The following PICALM variants were observed in gnomAD, a reference collection of about 807,000 sequenced individuals.
PICALM encodes phosphatidylinositol binding clathrin assembly protein.
Under a neutral mutation model 80.5 loss-of-function variants are expected in PICALM, and 40 were observed. The ratio of observed to expected loss-of-function variants is 0.50; its 90% CI spans 0.39 to 0.65. The LOEUF is 0.65. Among genes scored for constraint, PICALM ranks in the 30% least tolerant of loss-of-function variants. PICALM has a pLI of 0.00. For synonymous variants in PICALM, 288 were observed against 260.3 expected (o/e 1.11, Z -1.02); for missense variants, 676 against 778.9 (o/e 0.87, Z 1.57).
At chr11:86,039,191 T>C (rs1278822486) in intron 1 of PICALM, among the ~76,000 whole-genome samples, 1 of 152,040 alleles carries the variant, frequency 6.6e-6, no homozygotes, top group African/African-American at 2.4e-5. Context: ...ACTGTGTTCT[T>C]AGCAACATGA....
chr11:85,994,912 G>A (rs896445331), intron 12 of PICALM, among the ~76,000 whole-genome samples: 2 of 152,136 alleles, frequency 1.3e-5, no homozygotes, highest in African/African-American at 2.4e-5. Flanking sequence ...CCATGTTGGC[G>A]AGGCTGTTCT....
intron 19 of PICALM, among the ~76,000 whole-genome samples, chr11:85,972,374 G>C (rs138266485): frequency 4.6e-5 from 7 of 152,160 alleles, no homozygotes; most frequent in African/African-American, 1.4e-4. Context: ...TGGTATAAAT[G>C]AGCACTGGAC....
intron 12 of PICALM, among the ~76,000 whole-genome samples, chr11:85,995,926 T>G (rs2094945291): frequency 6.6e-6 from 1 of 152,184 alleles, no homozygotes; most frequent in Non-Finnish European, 1.5e-5. Context: ...TAAACTAGCC[T>G]TCAAAGTCAA....
intron 12 of PICALM, among the ~76,000 whole-genome samples, chr11:85,993,266 T>C (rs2094850515): frequency 6.6e-6 from 1 of 152,010 alleles, no homozygotes. Flanking sequence ...TCCGATTTTT[T>C]TGTAGAGGCA....
intron 1 of PICALM, among the ~76,000 whole-genome samples, chr11:86,054,122 A>G (rs1044657081): frequency 9.2e-5 from 14 of 152,238 alleles, no homozygotes; most frequent in Admixed American, 9.2e-4. Flanking sequence ...CCATGAGTTC[A>G]CAGTATGCCT....
chr11:85,977,172 C>G (rs2094308625), intron 17 of PICALM, among the ~76,000 whole-genome samples: 1 of 152,184 alleles, frequency 6.6e-6, no homozygotes, highest in Non-Finnish European at 1.5e-5. Context: ...AAGGATCTTA[C>G]TCACTCTTTT....
intron 9 of PICALM, 55 bp from the exon 10 acceptor site, chr11:86,001,213 C>T (rs1193926773): frequency 3.8e-6 from 6 of 1,571,530 alleles, no homozygotes; most frequent in Middle Eastern, 1.7e-4. Context: ...TCACATTACA[C>T]CCAGGTCATG....
chr11:86,057,844 A>G (rs2096293385), intron 1 of PICALM, among the ~76,000 whole-genome samples: 1 of 152,146 alleles, frequency 6.6e-6, no homozygotes, highest in Admixed American at 6.5e-5. Flanking sequence ...ATATGCAAAC[A>G]ATGTCATTTT....
chr11:86,014,453 T>C (rs2095447847), intron 5 of PICALM, among the ~76,000 whole-genome samples: 1 of 152,190 alleles, frequency 6.6e-6, no homozygotes, highest in African/African-American at 2.4e-5. Context: ...AGCTACATAA[T>C]AAGCTATTAT....
chr11:85,983,034 C>T (rs1034720538), intron 14 of PICALM, among the ~76,000 whole-genome samples: 10 of 151,782 alleles, frequency 6.6e-5, no homozygotes, highest in Admixed American at 3.9e-4. Flanking sequence ...TAAAACCTAC[C>T]GCAGCAAAAA....
intron 1 of PICALM, among the ~76,000 whole-genome samples, chr11:86,048,704 T>C (rs647422): frequency 0.44 from 66,188 of 151,410 alleles, 14,638 homozygotes; most frequent in East Asian, 0.6. Flanking sequence ...TGGTGGCGCA[T>C]GCCTGTAATC....
At chr11:86,019,587 T>C (rs892108367) in intron 4 of PICALM, among the ~76,000 whole-genome samples, 1 of 152,186 alleles carries the variant, frequency 6.6e-6, no homozygotes. Context: ...CAGTGAAATA[T>C]TATTGGACAG....
chr11:86,055,293 G>A (rs765138096), intron 1 of PICALM, among the ~76,000 whole-genome samples: 38 of 101,644 alleles, frequency 3.7e-4, no homozygotes, highest in Non-Finnish European at 6.4e-4. Context: ...TCGTGCCACT[G>A]CACTCCAGCC....
At chr11:85,973,929 G>T (rs1198726318) in intron 19 of PICALM, among the ~76,000 whole-genome samples, 1 of 151,948 alleles carries the variant, frequency 6.6e-6, no homozygotes, top group East Asian at 1.9e-4. Context: ...CAGAGCCACA[G>T]ACACAGAAGG....
At chr11:86,060,030 A>G (rs2096333833) in intron 1 of PICALM, among the ~76,000 whole-genome samples, 1 of 152,172 alleles carries the variant, frequency 6.6e-6, no homozygotes, top group Non-Finnish European at 1.5e-5. Flanking sequence ...CTATTTATGG[A>G]CATAAAGTGG....
At chr11:86,045,827 T>A (rs907871116) in intron 1 of PICALM, among the ~76,000 whole-genome samples, 2 of 152,176 alleles carry the variant, frequency 1.3e-5, no homozygotes, top group Non-Finnish European at 2.9e-5. Context: ...AATTTAATCA[T>A]CTTTCTCCCA....
intron 7 of PICALM, among the ~76,000 whole-genome samples, chr11:86,008,194 A>G (rs985075964): frequency 2.0e-5 from 3 of 152,178 alleles, no homozygotes; most frequent in African/African-American, 4.8e-5. Flanking sequence ...AAAAAAAGAT[A>G]GAAACGGTTC....
At chr11:86,034,819 G>T (rs560111088) in intron 1 of PICALM, among the ~76,000 whole-genome samples, 26 of 152,244 alleles carry the variant, frequency 1.7e-4, no homozygotes, top group African/African-American at 6.3e-4. Flanking sequence ...AAAGCAGAAG[G>T]AACCAATACC....
intron 1 of PICALM, among the ~76,000 whole-genome samples, chr11:86,033,876 G>A (rs926544120): frequency 1.3e-5 from 2 of 152,088 alleles, no homozygotes; most frequent in Admixed American, 1.3e-4. Flanking sequence ...CCAAGATTGT[G>A]TCCTTACATT....
Sources: allele counts gnomAD v4.1 joint callset (sites outside exome capture counted in the v4.1 genomes callset), GRCh38; gene constraint gnomAD v4.1.1; transcripts MANE v1.5; gene names NCBI Gene and HGNC (gene_info 2026-07-23, HGNC 2026-07-21).